Variants in GSPT1 observed in about 807,000 individuals in gnomAD.
The protein encoded by GSPT1 is G1 to S phase transition 1, also known as eukaryotic peptide chain release factor GTP-binding subunit ERF3A.
A neutral mutation model predicts 72.5 loss-of-function variants in GSPT1; 20 were observed. The ratio of observed to expected loss-of-function variants is 0.28; its 90% CI spans 0.19 to 0.40. GSPT1 has a LOEUF of 0.40. Among genes scored for constraint, GSPT1 ranks in the 10% least tolerant of loss-of-function variants. The pLI is 1.00. For missense variants in GSPT1, 580 were observed against 811.9 expected (o/e 0.71, Z 3.47); for synonymous variants, 334 against 293.5 (o/e 1.14, Z -1.41).
At chr16:11,880,678 T>G (rs928651398) in intron 11 of GSPT1, among the ~76,000 whole-genome samples, 3 of 152,246 alleles carry the variant, frequency 2.0e-5, no homozygotes, top group African/African-American at 7.2e-5. Context: ...TAGGCATTTC[T>G]TCATGTACTT....
rs533027384 is a variant in GSPT1 at position 11,882,950 on chromosome 16, C to G, written c.1428+65G>C. ...CCTGCCTCGGTGACAGAAGAAGACC[C>G]TATCTCTTAAAGAAAAAGAAAAAAA... is the stretch of plus-strand genomic sequence containing the variant. On this transcript the variant is annotated intron_variant, in intron 11 of 14. Coordinates refer to ENST00000434724, the MANE Select transcript of GSPT1 (RefSeq NM_002094.4). 7.1e-5 allele frequency: 71 copies of G among 997,762 alleles called. No homozygotes were observed. The African/African-American group carries it at 9.2e-4, about 13-fold the overall frequency. 61.8% of individuals were successfully genotyped at this position (997,762 alleles called of 1,614,324 possible).
In GSPT1 at chr16:11,915,588, C is replaced by CGCA. The variant is rs1294183995; in HGVS notation, c.130_132dup (p.Cys44dup). 3 of 1,485,514 alleles carry CGCA rather than the reference C, an allele frequency of 2.0e-6. No individual in the cohort carries two copies. The African/African-American group carries it at 4.4e-5, about 22-fold the overall frequency. The allele number at this position is 1,485,514 out of a possible 1,614,324, so 92.0% of individuals were successfully genotyped here. A position where few individuals can be genotyped will look rare whatever the true frequency, so the allele number is the denominator to read the frequency against. On this transcript the variant is annotated inframe_insertion, in exon 1 of 15. Transcript: ENST00000434724. Reference sequence around the variant, plus strand: ...GCCGCCGCCAGGGAGCCGCCGCCGCCGCAAGGGCCCGGCCCGGGGGCTTCC... The same window carrying CGCA: ...GCCGCCGCCAGGGAGCCGCCGCCGCCGCAGCAAGGGCCCGGCCCGGGGGCTTCC...
chr16:11,896,662 T>G lies in GSPT1; in HGVS notation c.560A>C (p.Glu187Ala). Residue 187 changes from glutamate to alanine, a missense_variant, in exon 4 of 15, where the codon GAA (glutamate) becomes GCA (alanine). This residue lies in a region of GSPT1 where 327 missense variants were observed against 298.8 expected (regional missense o/e 1.09). Coordinates refer to ENST00000434724, the MANE Select transcript of GSPT1 (RefSeq NM_002094.4). ...GATTTCCTCTTCCTCCTCCATCATTTCATGGGCACTTTCCTCTGGCGGCCT... is the reference window on the plus strand; with the variant it reads ...GATTTCCTCTTCCTCCTCCATCATTGCATGGGCACTTTCCTCTGGCGGCCT... ...DGRPPEESAH[E>A]MMEEEEEIPK... 6 of 1,609,638 alleles carry G rather than the reference T, an allele frequency of 3.7e-6. No homozygotes were observed. The highest frequency in any genetic ancestry group is 5.1e-6 in the Non-Finnish European group (6 of 1,177,866).
chr16:11,890,949 G>T, intron 6 of GSPT1, 113 bp downstream of exon 6: 1 of 611,360 alleles, frequency 1.6e-6, no homozygotes. Flanking sequence ...AATTTCCTTT[G>T]TTGTGATACG....
intron 1 of GSPT1, among the ~76,000 whole-genome samples, chr16:11,901,953 G>A (rs961231434): frequency 4.6e-5 from 7 of 151,694 alleles, no homozygotes; most frequent in Admixed American, 6.6e-5. Flanking sequence ...AAAATTTGCC[G>A]GGCACGGTGT....
chr16:11,887,530 A>G, intron 7 of GSPT1, 40 bp downstream of exon 7: 1 of 1,505,254 alleles, frequency 6.6e-7, no homozygotes. Flanking sequence ...AAGCGGGGCT[A>G]CTAACAAATA....
intron 1 of GSPT1, among the ~76,000 whole-genome samples, chr16:11,913,695 A>C (rs2054588772): frequency 6.6e-6 from 1 of 152,232 alleles, no homozygotes. Context: ...CGGAATCTGC[A>C]AAGTAAGGTA....
At chr16:11,910,674 G>A (rs2054546117) in intron 1 of GSPT1, among the ~76,000 whole-genome samples, 2 of 152,100 alleles carry the variant, frequency 1.3e-5, no homozygotes, top group African/African-American at 2.4e-5. Flanking sequence ...AGCAAATCAA[G>A]GCTTAAACTT....
chr16:11,879,542 G>A (rs1440741617), intron 11 of GSPT1, among the ~76,000 whole-genome samples: 1 of 151,948 alleles, frequency 6.6e-6, no homozygotes, highest in African/African-American at 2.4e-5. Flanking sequence ...AGACCAGCCT[G>A]GCCAACACGG....
At chr16:11,894,909 T>C in intron 5 of GSPT1, 45 bp downstream of exon 5, 1 of 1,243,682 alleles carries the variant, frequency 8.0e-7, no homozygotes, top group Non-Finnish European at 1.2e-6. Flanking sequence ...CTAAAATTCA[T>C]TACATCAATT....
intron 3 of GSPT1, among the ~76,000 whole-genome samples, chr16:11,897,499 C>T (rs2054354902): frequency 6.6e-6 from 1 of 152,088 alleles, no homozygotes; most frequent in African/African-American, 2.4e-5. Context: ...GCAGGAGAAG[C>T]GCTTGAACCT....
At chr16:11,910,810 C>T (rs1217232556) in intron 1 of GSPT1, among the ~76,000 whole-genome samples, 3 of 152,306 alleles carry the variant, frequency 2.0e-5, no homozygotes, top group East Asian at 3.9e-4. Context: ...GACAGCACTA[C>T]GTAATACCTG....
rs1012117347 is a variant in GSPT1, at chr16:11,893,220, C to T, written c.698+1734G>A. On this transcript the variant is annotated intron_variant, in intron 5 of 14. Coordinates refer to ENST00000434724, the MANE Select transcript of GSPT1 (RefSeq NM_002094.4). ...AGCTATAGTGCGCTATCATCCTCCCCCCTATAAATAGCCACTACCCTCCGG... is the reference window on the plus strand; with the variant it reads ...AGCTATAGTGCGCTATCATCCTCCCTCCTATAAATAGCCACTACCCTCCGG... 2.4e-4 allele frequency among the ~76,000 whole-genome samples: 36 copies of T among 152,008 alleles called. 1 individual carries two copies. Among genetic ancestry groups the T allele is most frequent in the Non-Finnish European group, 2.5e-4 (17 of 67,972 alleles).
intron 7 of GSPT1, 138 bp downstream of exon 7, chr16:11,887,432 A>G: frequency 1.5e-6 from 1 of 672,684 alleles, no homozygotes. Flanking sequence ...AGAGATTAGT[A>G]TGATGAAAAC....
At chr16:11,882,874 G>A in intron 11 of GSPT1, 141 bp downstream of exon 11, 2 of 596,176 alleles carry the variant, frequency 3.4e-6, no homozygotes, top group Non-Finnish European at 6.0e-6. Flanking sequence ...CAGGTGGCAG[G>A]ATTGCTTGAA....
chr16:11,869,295 C>A lies in GSPT1; in HGVS notation c.*3824G>T, dbSNP rs765878921. The A allele has an allele frequency of 6.6e-6, 1 of 152,200 alleles. No homozygotes were observed. The highest frequency in any genetic ancestry group is 1.5e-5 in the Non-Finnish European group (1 of 68,050). The allele number at this position is 152,200 out of a possible 1,614,324, so 9.4% of individuals were successfully genotyped here. On this transcript the variant is annotated 3_prime_UTR_variant, in exon 15 of 15. Transcript: ENST00000434724. ...TTTTGTGCATGTGCAATTACACTTA[C>A]TTAACAAGATGCTGCCATGGCGAGA...
intron 11 of GSPT1, chr16:11,881,420 A>G (rs978673447): frequency 6.6e-6 from 1 of 152,114 alleles, no homozygotes; most frequent in African/African-American, 2.4e-5. Context: ...ATGTTTAGAG[A>G]ATCATACTTT....
At chr16:11,891,040 G>A (rs754545973) in intron 6 of GSPT1, 22 bp downstream of exon 6, 1 of 1,041,322 alleles carries the variant, frequency 9.6e-7, no homozygotes, top group South Asian at 1.5e-5. Context: ...TAATTTATAA[G>A]TGTCATAAAA....
intron 14 of GSPT1, among the ~76,000 whole-genome samples, chr16:11,874,129 G>A (rs1422035910): frequency 6.6e-6 from 1 of 152,118 alleles, no homozygotes; most frequent in Non-Finnish European, 1.5e-5. Context: ...GGAATAAGGG[G>A]TGATTATGAA....
Sources: allele counts gnomAD v4.1 joint callset (sites outside exome capture counted in the v4.1 genomes callset), GRCh38; gene constraint gnomAD v4.1.1; regional missense constraint gnomAD v4.1.1; transcripts MANE v1.5; gene names NCBI Gene and HGNC (gene_info 2026-07-23, HGNC 2026-07-21).